C3orf20: variants seen among roughly 807,000 people sequenced by gnomAD.
The protein encoded by C3orf20 is family with sequence similarity 149 member C.
Under a neutral mutation model 88.3 loss-of-function variants are expected in C3orf20, and 76 were observed. The ratio of observed to expected loss-of-function variants is 0.86; its 90% CI spans 0.72 to 1.04. The LOEUF (loss-of-function observed/expected upper bound fraction) is 1.04, where lower values mean the gene tolerates loss of function less well. Ranked by LOEUF, C3orf20 falls within the 50% of genes least tolerant of loss-of-function variation. The probability of loss-of-function intolerance (pLI) is 0.00; values close to 1 mark genes in which losing one functional copy is unlikely to be tolerated. For synonymous variants in C3orf20, 436 were observed against 437.4 expected (o/e 1.00, Z 0.04); for missense variants, 1,056 against 1,123.3 (o/e 0.94, Z 0.86).
chr3:14,759,855 T>TG (rs2035503376), intron 13 of C3orf20, 36 bp from the exon 14 acceptor site: 1 of 1,549,110 alleles, frequency 6.5e-7, no homozygotes, highest in Non-Finnish European at 8.9e-7. Context: ...CTTATTGGCA[T>TG]GGGGGTGACC....
At chr3:14,740,422 T>C (rs1016025316) in intron 12 of C3orf20, among the ~76,000 whole-genome samples, 2 of 152,138 alleles carry the variant, frequency 1.3e-5, no homozygotes, top group Admixed American at 6.5e-5. Flanking sequence ...ACAATTACAA[T>C]AGTAACATCA....
Position 14,772,088 on chromosome 3 carries a change from C to T in C3orf20, c.2517C>T (p.Ser839=), listed in dbSNP as rs199806806. 6.2e-7 allele frequency: 1 copy of T among 1,614,214 alleles called. No homozygotes were observed. Among genetic ancestry groups the T allele is most frequent in the Non-Finnish European group, 8.5e-7 (1 of 1,180,040 alleles). Residue 839 remains serine, a synonymous_variant, in exon 16 of 17, where the codon AGC becomes AGT. Coordinates refer to ENST00000253697, the MANE Select transcript of C3orf20 (RefSeq NM_032137.5). This position sits in a 1 kb window ranked among gnomAD's most constrained non-coding sequence, Gnocchi z 4.2. The part of the protein sequence containing the change: ...YKFSVPNSVL[S]LEDSESVKKA... Reference sequence around the variant, plus strand: ...GCAGTGTTCCCAACTCTGTCCTGAGCCTGGAGGATTCTGAATCAGTCAAGA... The same window carrying T: ...GCAGTGTTCCCAACTCTGTCCTGAGTCTGGAGGATTCTGAATCAGTCAAGA...
At chr3:14,695,876 C>G (rs1042018611) in intron 5 of C3orf20, among the ~76,000 whole-genome samples, 7 of 151,952 alleles carry the variant, frequency 4.6e-5, no homozygotes, top group African/African-American at 1.7e-4. Context: ...TTATGTGCGT[C>G]TTTATAAGTA....
chr3:14,726,520 G>C (rs1434920156), intron 10 of C3orf20, among the ~76,000 whole-genome samples: 2 of 152,240 alleles, frequency 1.3e-5, no homozygotes, highest in East Asian at 1.9e-4. Context: ...CAAGCACTCA[G>C]ACACACAAGA....
At chr3:14,722,625 A>T (rs1318572680) in intron 10 of C3orf20, 27 of 455,564 alleles carry the variant, frequency 5.9e-5, no homozygotes, top group Non-Finnish European at 8.8e-6. Context: ...TCCATTCTAG[A>T]CTGCTTTCGT....
intron 1 of C3orf20, among the ~76,000 whole-genome samples, chr3:14,679,942 A>G (rs1478185356): frequency 1.3e-5 from 2 of 152,230 alleles, no homozygotes; most frequent in Non-Finnish European, 2.9e-5. Flanking sequence ...TCATTAGGGA[A>G]ATACAAATCA....
intron 5 of C3orf20, among the ~76,000 whole-genome samples, chr3:14,696,493 C>T (rs186545841): frequency 1.1e-3 from 161 of 151,712 alleles, no homozygotes; most frequent in African/African-American, 3.5e-3. Flanking sequence ...TGAGTTCAAG[C>T]AAGCCTCCTG....
chr3:14,709,346 C>CT lies in C3orf20; in HGVS notation c.1161-4656dup, dbSNP rs1282509636. Among the ~76,000 whole-genome samples the CT allele has an allele frequency of 2.0e-5, 3 of 152,088 alleles. No homozygotes were observed. In the East Asian group the frequency reaches 5.8e-4, roughly 29 times the overall value. ...TACTTCTTCCTTTCCAATTTTGAGG[C>CT]TTTTTATTATTTTGTTGTTGTTGCT... is the stretch of plus-strand genomic sequence containing the variant. On this transcript the variant is annotated intron_variant, in intron 7 of 16. Transcript: ENST00000253697.
chr3:14,741,292 G>T (rs896993364), intron 12 of C3orf20, among the ~76,000 whole-genome samples: 3 of 151,866 alleles, frequency 2.0e-5, no homozygotes, highest in Non-Finnish European at 4.4e-5. Flanking sequence ...ACCTCGGTGG[G>T]CCCTGAATTC....
intron 1 of C3orf20, among the ~76,000 whole-genome samples, chr3:14,676,260 A>G (rs1230987200): frequency 1.3e-5 from 2 of 151,990 alleles, no homozygotes; most frequent in Admixed American, 6.6e-5. Flanking sequence ...CTCCCAGCCC[A>G]GGTCTCCCAG....
At chr3:14,733,470 G>T (rs2034604979) in intron 12 of C3orf20, among the ~76,000 whole-genome samples, 1 of 152,006 alleles carries the variant, frequency 6.6e-6, no homozygotes, top group Non-Finnish European at 1.5e-5. Flanking sequence ...CTATTATATG[G>T]TGGACTTTGT....
In C3orf20 at chr3:14,757,533, G is replaced by A; in HGVS notation, c.2103G>A (p.Leu701=). 1 of 1,614,116 alleles carries A rather than the reference G, an allele frequency of 6.2e-7. No individual in the cohort carries two copies. Among genetic ancestry groups the A allele is most frequent in the Non-Finnish European group, 8.5e-7 (1 of 1,180,004 alleles). The stretch of plus-strand genomic sequence containing the variant: ...CTGACGTGGAGCTGGAGCGCTTCCT[G>A]TTGGCGCCCCGAGACCCCAGCCAAG... ...LVSDVELERF[L]LAPRDPSQVL... Residue 701 remains leucine, a synonymous_variant, in exon 13 of 17, where the codon CTG becomes CTA. Coordinates refer to ENST00000253697, the MANE Select transcript of C3orf20 (RefSeq NM_032137.5).
chr3:14,758,350 C>G (rs2035447752), intron 13 of C3orf20, among the ~76,000 whole-genome samples: 1 of 152,214 alleles, frequency 6.6e-6, no homozygotes, highest in South Asian at 2.1e-4. Flanking sequence ...AAGGTCCCAG[C>G]TGGTTATGGC....
chr3:14,708,255 G>A (rs1157424325), intron 7 of C3orf20, among the ~76,000 whole-genome samples: 2 of 152,192 alleles, frequency 1.3e-5, no homozygotes, highest in Admixed American at 1.3e-4. Context: ...AATTGTCCCA[G>A]TACCATTTAT....
chr3:14,763,303 C>G (rs938864909), intron 15 of C3orf20, among the ~76,000 whole-genome samples: 2 of 152,162 alleles, frequency 1.3e-5, no homozygotes, highest in Non-Finnish European at 2.9e-5. Context: ...CTGGTAAGTC[C>G]AAGACCAAGG....
At chr3:14,680,236 A>C (rs2032015964) in intron 1 of C3orf20, among the ~76,000 whole-genome samples, 1 of 148,858 alleles carries the variant, frequency 6.7e-6, no homozygotes, top group African/African-American at 2.6e-5. Flanking sequence ...ATAGCCAAAA[A>C]ATAAAAATAA....
rs2032209265 is a variant in C3orf20 at position 14,683,255 on chromosome 3, G to A, written c.484+58G>A. On this transcript the variant is annotated intron_variant, in intron 3 of 16. Transcript: ENST00000253697. ...ACACCCACTACAGACGGGCGTCTCAGAGGCACATGCTGGGAACAGGTGGCA... is the reference window on the plus strand; with the variant it reads ...ACACCCACTACAGACGGGCGTCTCAAAGGCACATGCTGGGAACAGGTGGCA... The A allele has an allele frequency of 2.0e-6, 3 of 1,511,918 alleles. No individual in the cohort carries two copies. The African/African-American group carries it at 4.2e-5, about 21-fold the overall frequency. 93.7% of individuals were successfully genotyped at this position (1,511,918 alleles called of 1,614,324 possible).
intron 12 of C3orf20, among the ~76,000 whole-genome samples, chr3:14,757,166 A>G (rs1298983660): frequency 6.6e-6 from 1 of 152,184 alleles, no homozygotes. Context: ...GTGAAGGAGT[A>G]ACTTGTTACT....
intron 5 of C3orf20, among the ~76,000 whole-genome samples, chr3:14,690,446 C>A (rs1366566777): frequency 6.6e-6 from 1 of 152,220 alleles, no homozygotes; most frequent in Non-Finnish European, 1.5e-5. Flanking sequence ...CAAACTCACG[C>A]CTCTGCTCAG....
Sources: allele counts gnomAD v4.1 joint callset (sites outside exome capture counted in the v4.1 genomes callset), GRCh38; gene constraint gnomAD v4.1.1; non-coding constraint Gnocchi (gnomAD v3.1); transcripts MANE v1.5; gene names NCBI Gene and HGNC (gene_info 2026-07-23, HGNC 2026-07-21).